TSC22D3: variants seen among roughly 807,000 people sequenced by gnomAD.
The protein encoded by TSC22D3 is TSC22 domain family protein 3.
TSC22D3 carries 4 observed loss-of-function variants against 11.1 expected under a neutral mutation model. That is an observed-to-expected ratio of 0.36 (90% confidence interval 0.18 to 0.83). The LOEUF (loss-of-function observed/expected upper bound fraction) is 0.83, where lower values mean the gene tolerates loss of function less well. Ranked by LOEUF, TSC22D3 falls within the 40% of genes least tolerant of loss-of-function variation. TSC22D3 has a pLI of 0.48. For synonymous variants in TSC22D3, 77 were observed against 70.3 expected (o/e 1.10, Z -0.48); for missense variants, 118 against 159.4 (o/e 0.74, Z 1.40).
At chrX:107,732,733 T>C (rs1421266449) in intron 1 of TSC22D3, among the ~76,000 whole-genome samples, 1 of 111,045 alleles carries the variant, frequency 9.0e-6, no homozygotes, top group Non-Finnish European at 1.9e-5. Context: ...AGATACTCAT[T>C]AGGCCAATTC....
intron 1 of TSC22D3, among the ~76,000 whole-genome samples, chrX:107,720,102 C>G (rs1222489877): frequency 9.1e-6 from 1 of 110,195 alleles, no homozygotes; most frequent in Non-Finnish European, 1.9e-5. Flanking sequence ...GAGCCCCACT[C>G]ACCGGCAACT....
At chrX:107,720,311 C>T (rs1261126546) in intron 1 of TSC22D3, among the ~76,000 whole-genome samples, 2 of 111,807 alleles carry the variant, frequency 1.8e-5, no homozygotes, top group African/African-American at 6.5e-5. Context: ...ACCCTGAGAC[C>T]TTATGATCCT....
chrX:107,719,762 A>G (rs1271719195), intron 1 of TSC22D3, among the ~76,000 whole-genome samples: 1 of 111,640 alleles, frequency 9.0e-6, no homozygotes, highest in African/African-American at 3.3e-5. Flanking sequence ...GGTGAGAAGC[A>G]GCAGCCCTAC....
In TSC22D3 at chrX:107,725,793, G is replaced by T. The variant is rs750790263; in HGVS notation, c.321-9843C>A. Reference sequence around the variant, plus strand: ...TCAGTGGAAACTCTCAGCCTGGCAGGTCAGGGACATGCGGCGGGGGAGGGG... The same window carrying T: ...TCAGTGGAAACTCTCAGCCTGGCAGTTCAGGGACATGCGGCGGGGGAGGGG... On this transcript the variant is annotated intron_variant, in intron 1 of 2. Transcript: ENST00000372383. Among the ~76,000 whole-genome samples the T allele has an allele frequency of 3.6e-5, 4 of 111,817 alleles. No homozygotes were observed. The East Asian group carries it at 8.4e-4, about 23-fold the overall frequency.
intron 1 of TSC22D3, among the ~76,000 whole-genome samples, chrX:107,773,632 G>A (rs970064605): frequency 2.7e-5 from 3 of 112,012 alleles, no homozygotes; most frequent in African/African-American, 9.7e-5. Context: ...TAGACAATGA[G>A]ATAATTTGAT....
At chrX:107,773,573 C>G (rs1380698431) in intron 1 of TSC22D3, among the ~76,000 whole-genome samples, 5 of 111,143 alleles carry the variant, frequency 4.5e-5, no homozygotes, top group Non-Finnish European at 9.4e-5. Context: ...CTGCCCGCAG[C>G]CTGGTTTATT....
rs1396409062 is a variant in TSC22D3 at position 107,758,998 on chromosome X, A to T, written c.320+16102T>A. 6.3e-5 allele frequency among the ~76,000 whole-genome samples: 7 copies of T among 111,319 alleles called. No homozygotes were observed. In the South Asian group the frequency reaches 1.1e-3, roughly 18 times the overall value. ...GGGGTTCAAGTGATTCTCTTGCCTCAGCCTCCCAAGTAGCTGGGATTACAG... is the reference window on the plus strand; with the variant it reads ...GGGGTTCAAGTGATTCTCTTGCCTCTGCCTCCCAAGTAGCTGGGATTACAG... On this transcript the variant is annotated intron_variant, in intron 1 of 2. Coordinates refer to ENST00000372383, the MANE Select transcript of TSC22D3 (RefSeq NM_198057.3).
intron 1 of TSC22D3, among the ~76,000 whole-genome samples, chrX:107,746,219 T>C (rs1352466542): frequency 9.0e-6 from 1 of 111,364 alleles, no homozygotes; most frequent in East Asian, 2.8e-4. Context: ...CTCTGTATCT[T>C]ATGAAACAGA....
Position 107,713,249 on chromosome X carries a change from T to A in TSC22D3, c.*1270A>T, listed in dbSNP as rs1463348288. ...ATTTTTAGAAAAACAGAGCAAAGTT[T>A]ATTGAAATTTCAAGCTACATTTGGA... On this transcript the variant is annotated 3_prime_UTR_variant, in exon 3 of 3. Transcript: ENST00000372383. 1 of 111,629 alleles carries A rather than the reference T, an allele frequency of 9.0e-6. No individual in the cohort carries two copies. The highest frequency in any genetic ancestry group is 1.9e-5 in the Non-Finnish European group (1 of 53,129). The allele number at this position is 111,629 out of a possible 1,213,427, so 9.2% of individuals were successfully genotyped here.
rs1926909345 is a variant in TSC22D3 at position 107,714,591 on chromosome X, G to A, written c.531C>T (p.Ser177=). 8.3e-7 allele frequency: 1 copy of A among 1,209,776 alleles called. No individual in the cohort carries two copies. The change falls in exon 3 of 3, where the codon TCC becomes TCT. Residue 177 remains serine, a synonymous_variant. Coordinates refer to ENST00000372383, the MANE Select transcript of TSC22D3 (RefSeq NM_198057.3). ...ASPEQLEKFQ[S]CLSPEEPAPE... is the part of the protein sequence containing the mutation. ...GAGCTGGCTCTTCAGGGCTCAGACAGGACTGGAACTTCTCCAGCTGCTCTG... is the reference window on the plus strand; with the variant it reads ...GAGCTGGCTCTTCAGGGCTCAGACAAGACTGGAACTTCTCCAGCTGCTCTG...
At chrX:107,731,802 G>T (rs987292520) in intron 1 of TSC22D3, among the ~76,000 whole-genome samples, 2 of 101,439 alleles carry the variant, frequency 2.0e-5, no homozygotes, top group African/African-American at 7.3e-5. Context: ...GGGATAAGCA[G>T]ATCTGAGACA....
intron 1 of TSC22D3, among the ~76,000 whole-genome samples, chrX:107,720,531 A>G: frequency 9.0e-6 from 1 of 110,987 alleles, no homozygotes; most frequent in Non-Finnish European, 1.9e-5. Flanking sequence ...GTTTCTATTA[A>G]AAATACAAAA....
Position 107,715,903 on chromosome X carries a change from G to A in TSC22D3, c.368C>T (p.Ala123Val). 8.3e-7 allele frequency: 1 copy of A among 1,211,241 alleles called. No individual in the cohort carries two copies. The highest frequency in any genetic ancestry group is 1.1e-6 in the Non-Finnish European group (1 of 895,188). Residue 123 changes from alanine to valine, a missense_variant, in exon 2 of 3, where the codon GCC (alanine) becomes GTC (valine). Ala to Val is a moderately conservative substitution (Grantham distance 64, BLOSUM62 0). Transcript: ENST00000372383. ...TGACGCAGTGATGCCACTCACCATG[G>A]CCTGTTCGATCTTGTTGTCTATGGC... is the stretch of plus-strand genomic sequence containing the variant. ...VVAIDNKIEQ[A>V]MDLVKNHLMY...
intron 1 of TSC22D3, among the ~76,000 whole-genome samples, chrX:107,753,317 T>C (rs1929023352): frequency 9.0e-6 from 1 of 111,273 alleles, no homozygotes; most frequent in African/African-American, 3.3e-5. Context: ...CTGACTATGA[T>C]AGGTAGCAGT....
At chrX:107,733,913 G>A (rs1928004530) in intron 1 of TSC22D3, among the ~76,000 whole-genome samples, 1 of 111,784 alleles carries the variant, frequency 8.9e-6, no homozygotes, top group Non-Finnish European at 1.9e-5. Context: ...GGCAGGCACT[G>A]CCCGTCTGCT....
intron 1 of TSC22D3, among the ~76,000 whole-genome samples, chrX:107,762,013 A>G (rs1487806298): frequency 1.8e-5 from 2 of 111,689 alleles, no homozygotes; most frequent in Admixed American, 9.4e-5. Context: ...AATTGTAATG[A>G]TGTTGCTATT....
chrX:107,721,243 C>T (rs1927314008), intron 1 of TSC22D3, among the ~76,000 whole-genome samples: 1 of 112,115 alleles, frequency 8.9e-6, no homozygotes, highest in South Asian at 3.7e-4. Flanking sequence ...TTTCAGGAGG[C>T]TTTGGAAACC....
At chrX:107,769,714 TTCACAC>T (rs1929817142) in intron 1 of TSC22D3, among the ~76,000 whole-genome samples, 1 of 88,286 alleles carries the variant, frequency 1.1e-5, no homozygotes, top group Non-Finnish European at 2.1e-5. Context: ...CTCTTTCTCT[TTCACAC>T]ACACACACAC....
At chrX:107,754,518 A>G (rs1000072918) in intron 1 of TSC22D3, among the ~76,000 whole-genome samples, 5 of 112,172 alleles carry the variant, frequency 4.5e-5, no homozygotes, top group African/African-American at 1.6e-4. Flanking sequence ...TGGATAATGA[A>G]TATAGGAATA....
Sources: gnomAD v4.1 joint callset for allele counts (sites outside exome capture counted in the v4.1 genomes callset) on GRCh38, gnomAD v4.1.1 for gene constraint, MANE v1.5 for transcripts, NCBI Gene and HGNC (gene_info 2026-07-23, HGNC 2026-07-21) for gene names.